Variants in SDCCAG8 observed in about 807,000 individuals in gnomAD.
SDCCAG8 encodes the protein SHH signaling and ciliogenesis regulator SDCCAG8.
In SDCCAG8, 74 loss-of-function variants were observed where a neutral mutation model predicts 101.8. The ratio of observed to expected loss-of-function variants is 0.73; its 90% CI spans 0.60 to 0.88. SDCCAG8 has a LOEUF of 0.88. Among genes scored for constraint, SDCCAG8 ranks in the 40% least tolerant of loss-of-function variants. SDCCAG8 has a pLI of 0.00. For missense variants in SDCCAG8, 787 were observed against 822.6 expected, an observed-to-expected ratio of 0.96 and a Z score of 0.53; for synonymous variants, 281 against 292.9, an observed-to-expected ratio of 0.96 and a Z score of 0.41.
chr1:243,389,158 C>CT (rs1432335792), intron 13 of SDCCAG8, among the ~76,000 whole-genome samples: 15 of 149,118 alleles, frequency 1.0e-4, no homozygotes, highest in Admixed American at 5.4e-4. Flanking sequence ...CCTCCCCCCC[C>CT]CAAAAAAAAA....
chr1:243,426,673 C>A, intron 16 of SDCCAG8, 115 bp downstream of exon 16: 1 of 1,278,826 alleles, frequency 7.8e-7, no homozygotes, highest in Non-Finnish European at 1.1e-6. Context: ...CTACTTGTGA[C>A]ATGCTCAAAA....
chr1:243,444,499 G>A (rs961577050), intron 16 of SDCCAG8, among the ~76,000 whole-genome samples: 3 of 151,908 alleles, frequency 2.0e-5, no homozygotes, highest in Non-Finnish European at 4.4e-5. Context: ...AGCCCCCTGA[G>A]TAGCTGGGAC....
chr1:243,393,351 A>G (rs1384719866), intron 13 of SDCCAG8, among the ~76,000 whole-genome samples: 1 of 152,052 alleles, frequency 6.6e-6, no homozygotes, highest in Non-Finnish European at 1.5e-5. Context: ...AACTAATCAG[A>G]CAGTAACAGA....
chr1:243,403,577 T>G lies in SDCCAG8; in HGVS notation c.1617-12125T>G, dbSNP rs1446587042. 2.6e-5 allele frequency among the ~76,000 whole-genome samples: 4 copies of G among 152,208 alleles called. No individual in the cohort carries two copies. In the East Asian group the frequency reaches 7.7e-4, roughly 29 times the overall value. ...AAACTGAGTCGTAGGTTATGTGACT[T>G]ACTTAGAGCAGGAGTTCCCAACTCG... On this transcript the variant is annotated intron_variant, in intron 13 of 17. Coordinates refer to ENST00000366541, the MANE Select transcript of SDCCAG8 (RefSeq NM_006642.5).
chr1:243,454,689 A>G (rs1363891333), intron 16 of SDCCAG8, among the ~76,000 whole-genome samples: 2 of 152,226 alleles, frequency 1.3e-5, no homozygotes, highest in Non-Finnish European at 2.9e-5. Flanking sequence ...GAGAAGTTAC[A>G]TTATTCAACA....
chr1:243,489,266 T>C, intron 17 of SDCCAG8, 126 bp downstream of exon 17: 1 of 1,274,910 alleles, frequency 7.8e-7, no homozygotes, highest in Non-Finnish European at 1.1e-6. Flanking sequence ...GGGAGGGAGG[T>C]CCCGAAGACT....
chr1:243,480,909 G>T (rs1663617841), intron 16 of SDCCAG8, among the ~76,000 whole-genome samples: 3 of 148,906 alleles, frequency 2.0e-5, no homozygotes, highest in African/African-American at 7.5e-5. Context: ...GGGATGGGAT[G>T]GGATGGGAGA....
chr1:243,388,827 C>G (rs1236286254), intron 13 of SDCCAG8, among the ~76,000 whole-genome samples: 1 of 149,594 alleles, frequency 6.7e-6, no homozygotes, highest in African/African-American at 2.5e-5. Flanking sequence ...CGTGGTGGTG[C>G]GTGCCTGGGT....
Position 243,311,742 on chromosome 1 carries a change from C to T in SDCCAG8, c.929+3565C>T, listed in dbSNP as rs141660644. On this transcript the variant is annotated intron_variant, in intron 8 of 17. Coordinates refer to ENST00000366541, the MANE Select transcript of SDCCAG8 (RefSeq NM_006642.5). ...CCAGTCTGGGCAACATAGGGAAACCCTGTCTCTACAAAAAATTTAAAAATT... is the reference window on the plus strand; with the variant it reads ...CCAGTCTGGGCAACATAGGGAAACCTTGTCTCTACAAAAAATTTAAAAATT... 6.7e-3 allele frequency among the ~76,000 whole-genome samples: 1,008 copies of T among 150,200 alleles called. 4 individuals carry two copies. Among genetic ancestry groups the T allele is most frequent in the Non-Finnish European group, 0.011 (713 of 67,588 alleles).
At chr1:243,298,757 G>T (rs946591119) in intron 6 of SDCCAG8, among the ~76,000 whole-genome samples, 1 of 152,124 alleles carries the variant, frequency 6.6e-6, no homozygotes, top group Non-Finnish European at 1.5e-5. Flanking sequence ...CTTTATGATA[G>T]TACCTTTCTC....
At chr1:243,346,473 T>G (rs2075714412) in intron 12 of SDCCAG8, among the ~76,000 whole-genome samples, 1 of 152,254 alleles carries the variant, frequency 6.6e-6, no homozygotes. Context: ...ATCTGACCAC[T>G]TGATACATTT....
chr1:243,330,883 T>C (rs1042564202), intron 10 of SDCCAG8, among the ~76,000 whole-genome samples, 191 bp downstream of exon 10: 17 of 152,262 alleles, frequency 1.1e-4, no homozygotes, highest in African/African-American at 4.1e-4. Flanking sequence ...CAATAGTTTA[T>C]GCTGATCTTT....
intron 13 of SDCCAG8, among the ~76,000 whole-genome samples, chr1:243,402,182 CT>C (rs1472237265): frequency 6.6e-6 from 1 of 152,090 alleles, no homozygotes; most frequent in East Asian, 1.9e-4. Flanking sequence ...AATCCCAACA[CT>C]TTAGGAGGCC....
rs145582407 is a variant in SDCCAG8, at chr1:243,383,676, G to A, written c.1616+4813G>A. ...CAGTCTCTTTTGCTGACCATTGCCC[G>A]GTGAATATTCATAAGCCTCTGCCTT... On this transcript the variant is annotated intron_variant, in intron 13 of 17. Transcript: ENST00000366541. Among the ~76,000 whole-genome samples the A allele has an allele frequency of 1.1e-4, 17 of 152,128 alleles. No homozygotes were observed. In the East Asian group the frequency reaches 2.5e-3, roughly 23 times the overall value.
At chr1:243,424,219 T>C (rs1482023176) in intron 15 of SDCCAG8, among the ~76,000 whole-genome samples, 2 of 152,096 alleles carry the variant, frequency 1.3e-5, no homozygotes, top group African/African-American at 4.8e-5. Flanking sequence ...TAATAAGCTT[T>C]ATTTTTTAGA....
intron 7 of SDCCAG8, chr1:243,307,296 C>A: frequency 4.7e-6 from 3 of 642,714 alleles, no homozygotes; most frequent in Non-Finnish European, 5.8e-6. Context: ...CATTCCCCAG[C>A]CCTTTCTTTA....
rs76785092 is a variant in SDCCAG8 at position 243,411,410 on chromosome 1, T to C, written c.1617-4292T>C. Among the ~76,000 whole-genome samples the C allele has an allele frequency of 8.5e-4, 130 of 152,218 alleles. 2 individuals are homozygous for C. In the East Asian group the frequency reaches 0.023, roughly 27 times the overall value. On this transcript the variant is annotated intron_variant, in intron 13 of 17. Transcript: ENST00000366541. ...GGGATTACAGGTGTAAGCCACTGAT[T>C]TGCTCCTTTTAAAGATCAGCTTTAT... is the stretch of plus-strand genomic sequence containing the variant.
intron 16 of SDCCAG8, among the ~76,000 whole-genome samples, chr1:243,479,411 C>A (rs1053154546): frequency 4.6e-5 from 7 of 152,178 alleles, no homozygotes; most frequent in Admixed American, 4.6e-4. Flanking sequence ...AGCTACTCGG[C>A]CGTTATGGTG....
chr1:243,305,521 A>C (rs1190097542), intron 7 of SDCCAG8: 2 of 152,104 alleles, frequency 1.3e-5, no homozygotes, highest in Non-Finnish European at 2.9e-5. Flanking sequence ...ATGAATATTC[A>C]TGTACTTTTT....
Sources: allele counts gnomAD v4.1 joint callset (sites outside exome capture counted in the v4.1 genomes callset), GRCh38; gene constraint gnomAD v4.1.1; transcripts MANE v1.5; gene names NCBI Gene and HGNC (gene_info 2026-07-23, HGNC 2026-07-21).